ZNF250: variants seen among roughly 807,000 people sequenced by gnomAD.
ZNF250 encodes the protein zinc finger protein 250.
ZNF250 carries 13 observed loss-of-function variants against 37.1 expected under a neutral mutation model. That is an observed-to-expected ratio of 0.35 (90% CI 0.23 to 0.56). ZNF250 has a LOEUF of 0.56. ZNF250 is among the 20% of genes least tolerant of loss of function. The pLI, the probability that ZNF250 is intolerant of heterozygous loss-of-function variation, is 0.87. For synonymous variants in ZNF250, 251 were observed against 265.6 expected, an observed-to-expected ratio of 0.94 and a Z score of 0.54; for missense variants, 474 against 697.9, an observed-to-expected ratio of 0.68 and a Z score of 3.61.
rs1831391296 is a variant in ZNF250 at position 144,880,462 on chromosome 8, C to T, written c.*1053G>A. 1 of 456,692 alleles carries T rather than the reference C, an allele frequency of 2.2e-6. No individual in the cohort carries two copies. The highest frequency in any genetic ancestry group is 2.0e-5 in the African/African-American group (1 of 50,066). The allele number at this position is 456,692 out of a possible 1,614,324, so 28.3% of individuals were successfully genotyped here. ...CACGGTTTCTGGGGCACAGGATCTG[C>T]AGGTCATAAGGGCAAGTTTTGAGGA... On this transcript the variant is annotated 3_prime_UTR_variant, in exon 6 of 6. Coordinates refer to ENST00000417550, the MANE Select transcript of ZNF250 (RefSeq NM_001109689.4).
intron 1 of ZNF250, among the ~76,000 whole-genome samples, chr8:144,892,936 C>T (rs1309413965): frequency 2.7e-5 from 4 of 150,796 alleles, no homozygotes; most frequent in African/African-American, 4.9e-5. Flanking sequence ...CTTGGCTCAC[C>T]GCAACCCCTG....
rs774909722 is a variant in ZNF250 at position 144,881,995 on chromosome 8, C to T, written c.1188G>A (p.Gly396=). 3.7e-6 allele frequency: 6 copies of T among 1,613,990 alleles called. No individual in the cohort carries two copies. In the South Asian group the frequency reaches 5.5e-5, roughly 15 times the overall value. ...GTGTGGAGCGGTGGCTGAAGGTCTT[C>T]CCACACTCACTGCACTCATAGGGCT... ...GEKPYECSEC[G]KTFSHRSTLM... Residue 396 remains glycine (G), a synonymous_variant, in exon 6 of 6, where the codon GGG becomes GGA. Coordinates refer to ENST00000417550, the MANE Select transcript of ZNF250 (RefSeq NM_001109689.4).
In ZNF250 at chr8:144,901,052, G is replaced by A. The variant is rs1833069137; in HGVS notation, c.-55+347C>T. On this transcript the variant is annotated intron_variant, in intron 1 of 5. Transcript: ENST00000417550. The surrounding 1 kb of genome is among the most constrained non-coding windows in gnomAD (Gnocchi z 5.4). ...GGGCACGAGGGGGAGGAAGGCCGGA[G>A]ATCTGAGGAGATCCAAGGTGGGAGG... Among the ~76,000 whole-genome samples, 1 of 151,866 alleles carries A rather than the reference G, an allele frequency of 6.6e-6. No homozygotes were observed. The highest frequency in any genetic ancestry group is 6.5e-5 in the Admixed American group (1 of 15,278).
chr8:144,890,473 G>C lies in ZNF250; in HGVS notation c.-54-70C>G. On this transcript the variant is annotated intron_variant, in intron 1 of 5. Coordinates refer to ENST00000417550, the MANE Select transcript of ZNF250 (RefSeq NM_001109689.4). The surrounding 1 kb of genome is among the most constrained non-coding windows in gnomAD (Gnocchi z 5.1). ...GTAACTTCCTAGGGGGCCCTCAGGG[G>C]ATCCCTGGGCCTCATTCAGAGTCAC... The C allele has an allele frequency of 1.1e-6, 1 of 932,124 alleles. No individual in the cohort carries two copies. Among genetic ancestry groups the C allele is most frequent in the Non-Finnish European group, 1.5e-6 (1 of 659,730 alleles). 57.7% of individuals were successfully genotyped at this position (932,124 alleles called of 1,614,324 possible). A position where few individuals can be genotyped will look rare whatever the true frequency, so the allele number is the denominator to read the frequency against.
At position 144,885,416 on chromosome 8, in the gene ZNF250, C is replaced by T. The variant is rs972169778; in HGVS notation, c.346+1424G>A. Among the ~76,000 whole-genome samples, 27 of 152,090 alleles carry T rather than the reference C, an allele frequency of 1.8e-4. 1 individual carries two copies. The highest frequency in any genetic ancestry group is 1.6e-3 in the Admixed American group (24 of 15,258). On this transcript the variant is annotated intron_variant, in intron 5 of 5. Coordinates refer to ENST00000417550, the MANE Select transcript of ZNF250 (RefSeq NM_001109689.4). Reference sequence around the variant, plus strand: ...GATTACAGGCATGAGCCACCACCCCCGGCCCAGTTTAATACAATTTTTAAC... The same window carrying T: ...GATTACAGGCATGAGCCACCACCCCTGGCCCAGTTTAATACAATTTTTAAC...
At position 144,881,593 on chromosome 8, in the gene ZNF250, A is replaced by C; in HGVS notation, c.1590T>G (p.Tyr530Ter). 6.2e-7 allele frequency: 1 copy of C among 1,614,050 alleles called. No individual in the cohort carries two copies. The highest frequency in any genetic ancestry group is 8.5e-7 in the Non-Finnish European group (1 of 1,179,940). Residue 530 changes from tyrosine (Y) to a stop codon, truncating the protein, a stop_gained, in exon 6 of 6, where the codon TAT (tyrosine) becomes TAG (stop). Coordinates refer to ENST00000417550, the MANE Select transcript of ZNF250 (RefSeq NM_001109689.4). LOFTEE classifies it high-confidence loss of function. ...HQRIHTGEKPYECGECGRAFN... is the reference protein window; with the variant it reads ...HQRIHTGEKP ...AGGCACGCCCACACTCCCCGCACTC[A>C]TAGGGCTTCTCGCCTGTGTGGATCC...
intron 5 of ZNF250, among the ~76,000 whole-genome samples, chr8:144,883,950 A>T (rs965681021): frequency 6.6e-6 from 1 of 150,726 alleles, no homozygotes; most frequent in Non-Finnish European, 1.5e-5. Flanking sequence ...ATCATAGCCC[A>T]CTGCAGCCTC....
intron 1 of ZNF250, among the ~76,000 whole-genome samples, chr8:144,898,414 T>C (rs937244124): frequency 6.6e-6 from 1 of 152,086 alleles, no homozygotes; most frequent in African/African-American, 2.4e-5. Flanking sequence ...AAAATATGAA[T>C]GGAAAAAAAT....
Position 144,876,990 on chromosome 8 carries a change from T to C in ZNF250, c.*4525A>G, listed in dbSNP as rs939441876. Reference sequence around the variant, plus strand: ...TACTTTTTTATTGGAAAGCGTCAGATTATACACAGAAATTCCAGGCAGACT... The same window carrying C: ...TACTTTTTTATTGGAAAGCGTCAGACTATACACAGAAATTCCAGGCAGACT... On this transcript the variant is annotated 3_prime_UTR_variant, in exon 6 of 6. Transcript: ENST00000417550. 2 of 152,240 alleles carry C rather than the reference T, an allele frequency of 1.3e-5. No individual in the cohort carries two copies. The highest frequency in any genetic ancestry group is 2.4e-5 in the African/African-American group (1 of 41,464). 9.4% of individuals were successfully genotyped at this position (152,240 alleles called of 1,614,324 possible).
intron 1 of ZNF250, among the ~76,000 whole-genome samples, chr8:144,892,721 A>AT (rs1422854975): frequency 3.3e-5 from 5 of 151,252 alleles, no homozygotes; most frequent in Non-Finnish European, 5.9e-5. Flanking sequence ...TGCCCAGCTA[A>AT]TTTTTTTTGT....
At chr8:144,887,094 AC>A (rs1392970666) in intron 4 of ZNF250, among the ~76,000 whole-genome samples, 192 bp from the exon 5 acceptor site, 1 of 151,952 alleles carries the variant, frequency 6.6e-6, no homozygotes, top group African/African-American at 2.4e-5. Flanking sequence ...ACTAAAAAAT[AC>A]AAAAATTAGC....
In ZNF250 at chr8:144,882,098, T is replaced by A. The variant is rs772898027; in HGVS notation, c.1085A>T (p.Tyr362Phe). 1.9e-6 allele frequency: 3 copies of A among 1,614,100 alleles called. No homozygotes were observed. In the Admixed American group the frequency reaches 5.0e-5, roughly 27 times the overall value. The stretch of plus-strand genomic sequence containing the variant: ...GGCCTTCCCACACTCGCTGCACGTG[T>A]AGGGCTTCTCCCCGGTGTGGATCCT... ...HQRIHTGEKP[Y>F]TCSECGKAFS... Residue 362 changes from tyrosine (Y) to phenylalanine (F), a missense_variant, in exon 6 of 6, where the codon TAC becomes TTC. This residue lies in a region of ZNF250 where 282 missense variants were observed against 470.4 expected (regional missense o/e 0.60). Coordinates refer to ENST00000417550, the MANE Select transcript of ZNF250 (RefSeq NM_001109689.4). This position sits in a 1 kb window ranked among gnomAD's most constrained non-coding sequence, Gnocchi z 5.5.
In ZNF250 at chr8:144,890,475, TC is replaced by T. The variant is rs1376788399; in HGVS notation, c.-54-73del. The T allele has an allele frequency of 1.1e-6, 1 of 875,232 alleles. No individual in the cohort carries two copies. The highest frequency in any genetic ancestry group is 1.6e-6 in the Non-Finnish European group (1 of 610,880). 54.2% of individuals were successfully genotyped at this position (875,232 alleles called of 1,614,324 possible). ...AACTTCCTAGGGGGCCCTCAGGGGA[TC>T]CCTGGGCCTCATTCAGAGTCACTGA... On this transcript the variant is annotated intron_variant, in intron 1 of 5. Transcript: ENST00000417550. This position sits in a 1 kb window ranked among gnomAD's most constrained non-coding sequence, Gnocchi z 5.1.
At chr8:144,893,399 A>C (rs28462034) in intron 1 of ZNF250, among the ~76,000 whole-genome samples, 3,996 of 152,026 alleles carry the variant, frequency 0.026, 217 homozygotes, top group East Asian at 0.22. Flanking sequence ...GGCATGATCT[A>C]GGCTCACTGC....
intron 5 of ZNF250, among the ~76,000 whole-genome samples, chr8:144,883,942 C>G (rs1203865706): frequency 1.3e-5 from 2 of 152,072 alleles, no homozygotes; most frequent in Non-Finnish European, 2.9e-5. Flanking sequence ...TGGCTACTAT[C>G]ATAGCCCACT....
rs754637543 is a variant in ZNF250 at position 144,882,332 on chromosome 8, C to T, written c.851G>A (p.Arg284Gln). 89 of 1,613,584 alleles carry T rather than the reference C, an allele frequency of 5.5e-5. No homozygotes were observed. The East Asian group carries it at 1.0e-3, about 19-fold the overall frequency. Residue 284 changes from arginine to glutamine, a missense_variant, in exon 6 of 6, where the codon CGG (arginine) becomes CAG (glutamine). Coordinates refer to ENST00000417550, the MANE Select transcript of ZNF250 (RefSeq NM_001109689.4). The surrounding 1 kb of genome is among the most constrained non-coding windows in gnomAD (Gnocchi z 5.5). Reference protein sequence around the residue: ...GEKPHECLECRKAFTQLSHLI... With the variant: ...GEKPHECLECQKAFTQLSHLI... ...ATGTGAGAGTTGAGTGAAGGCTTTC[C>T]GACACTCAAGACATTCGTGAGGCTT...
At chr8:144,898,301 G>A (rs1426306848) in intron 1 of ZNF250, among the ~76,000 whole-genome samples, 2 of 150,484 alleles carry the variant, frequency 1.3e-5, no homozygotes, top group East Asian at 3.9e-4. Context: ...CATCTCAAAA[G>A]AAAAAAAGCA....
intron 1 of ZNF250, chr8:144,895,009 T>C (rs1207153209): frequency 1.3e-5 from 2 of 152,180 alleles, no homozygotes; most frequent in South Asian, 2.1e-4. Context: ...TCACACTTTA[T>C]GCCATCTGTA....
chr8:144,884,630 C>T (rs1831738631), intron 5 of ZNF250, among the ~76,000 whole-genome samples: 1 of 152,204 alleles, frequency 6.6e-6, no homozygotes, highest in Admixed American at 6.5e-5. Flanking sequence ...GGTGCTTACA[C>T]ACAAATGTCC....
Sources: allele counts gnomAD v4.1 joint callset (sites outside exome capture counted in the v4.1 genomes callset), GRCh38; gene constraint gnomAD v4.1.1; regional missense constraint gnomAD v4.1.1; non-coding constraint Gnocchi (gnomAD v3.1); transcripts MANE v1.5; gene names NCBI Gene and HGNC (gene_info 2026-07-23, HGNC 2026-07-21).